ADD1: variants seen among roughly 807,000 people sequenced by gnomAD.
ADD1 encodes the protein adducin 1, also known as alpha-adducin.
ADD1 carries 24 observed loss-of-function variants against 80.5 expected under a neutral mutation model. That is an observed-to-expected ratio of 0.30 (90% CI 0.22 to 0.42). The LOEUF (loss-of-function observed/expected upper bound fraction) is 0.42, where lower values mean the gene tolerates loss of function less well. Ranked by LOEUF, ADD1 falls within the 10% of genes least tolerant of loss-of-function variation. The probability of loss-of-function intolerance (pLI) is 1.00; values close to 1 mark genes in which losing one functional copy is unlikely to be tolerated. For synonymous variants in ADD1, 373 were observed against 393.8 expected, an observed-to-expected ratio of 0.95 and a Z score of 0.63; for missense variants, 948 against 1,019.0, an observed-to-expected ratio of 0.93 and a Z score of 0.95.
intron 1 of ADD1, among the ~76,000 whole-genome samples, chr4:2,852,542 GT>G (rs202099133): frequency 6.6e-6 from 1 of 151,238 alleles, no homozygotes; most frequent in Admixed American, 6.6e-5. Flanking sequence ...CTCCATTTCA[GT>G]TTTTTTCTGA....
chr4:2,908,038 G>A (rs907106833), intron 11 of ADD1, among the ~76,000 whole-genome samples, 194 bp downstream of exon 11: 2 of 152,182 alleles, frequency 1.3e-5, no homozygotes, highest in African/African-American at 4.8e-5. Context: ...CATTTTTTGG[G>A]CCCTATTGAT....
Position 2,926,127 on chromosome 4 carries a change from G to T in ADD1, c.2047+15G>T. The T allele has an allele frequency of 1.2e-6, 2 of 1,608,320 alleles. No individual in the cohort carries two copies. The highest frequency in any genetic ancestry group is 1.7e-6 in the Non-Finnish European group (2 of 1,176,372). ...GCTGGAGGAAGGTGAGCTCTGGGTG[G>T]CAGCGGCCGCCACTGTGGGAGGGTG... On this transcript the variant is annotated intron_variant, in intron 15 of 15. Coordinates refer to ENST00000683351, the MANE Select transcript of ADD1 (RefSeq NM_001354761.2). This position sits in a 1 kb window ranked among gnomAD's most constrained non-coding sequence, Gnocchi z 5.0.
At chr4:2,906,446 T>C (rs995885622) in intron 10 of ADD1, among the ~76,000 whole-genome samples, 1 of 151,986 alleles carries the variant, frequency 6.6e-6, no homozygotes, top group Non-Finnish European at 1.5e-5. Context: ...AGCACAGTGC[T>C]GAATTGCCAT....
At chr4:2,863,219 ATTTT>A (rs34312305) in intron 1 of ADD1, among the ~76,000 whole-genome samples, 9 of 123,756 alleles carry the variant, frequency 7.3e-5, no homozygotes, top group African/African-American at 1.8e-4. Context: ...CTAATTTTTA[ATTTT>A]TTTTTTTTTT....
chr4:2,862,784 C>G (rs1230658614), intron 1 of ADD1, among the ~76,000 whole-genome samples: 1 of 152,186 alleles, frequency 6.6e-6, no homozygotes, highest in Admixed American at 6.5e-5. Context: ...CCTGGCTTCC[C>G]TGCAGGAATG....
At chr4:2,881,699 T>C (rs1732374415) in intron 2 of ADD1, 199 bp from the exon 3 acceptor site, 3 of 428,154 alleles carry the variant, frequency 7.0e-6, no homozygotes, top group Non-Finnish European at 8.2e-6. Flanking sequence ...GTTCAGAGTT[T>C]TAAGCTTTTA....
chr4:2,924,632 G>A (rs980419367), intron 14 of ADD1, among the ~76,000 whole-genome samples: 7 of 152,294 alleles, frequency 4.6e-5, no homozygotes, highest in Admixed American at 1.3e-4. Context: ...TTTTTGTCTC[G>A]TTCTAGACCA....
At position 2,884,673 on chromosome 4, in the gene ADD1, A is replaced by G. The variant is rs201776350; in HGVS notation, c.510+7A>G. ...TATCTACAATCATATCACAGTGAGT[A>G]TTAAATGGGCTAGTAACTGAACGAT... On this transcript the variant is annotated splice_region_variant and intron_variant, in intron 4 of 15. Coordinates refer to ENST00000683351, the MANE Select transcript of ADD1 (RefSeq NM_001354761.2). The G allele has an allele frequency of 6.3e-7, 1 of 1,594,520 alleles. No individual in the cohort carries two copies. The highest frequency in any genetic ancestry group is 8.6e-7 in the Non-Finnish European group (1 of 1,166,884).
chr4:2,860,033 C>G (rs1034369994), intron 1 of ADD1, among the ~76,000 whole-genome samples: 15 of 151,240 alleles, frequency 9.9e-5, no homozygotes, highest in African/African-American at 3.7e-4. Context: ...TAAAATCTTA[C>G]GTAGAGTTTT....
chr4:2,857,172 A>G (rs1245916876), intron 1 of ADD1, among the ~76,000 whole-genome samples: 1 of 151,496 alleles, frequency 6.6e-6, no homozygotes, highest in Admixed American at 6.6e-5. Flanking sequence ...TCAGCCTCCC[A>G]AAGTGCTAAG....
chr4:2,847,662 AT>A (rs201221851), intron 1 of ADD1, among the ~76,000 whole-genome samples: 2,814 of 152,270 alleles, frequency 0.018, 58 homozygotes, highest in African/African-American at 0.046. Flanking sequence ...AGAAGTCCTG[AT>A]TGACATGTGC....
intron 4 of ADD1, among the ~76,000 whole-genome samples, chr4:2,888,470 G>A (rs913591271): frequency 6.6e-6 from 1 of 151,378 alleles, no homozygotes; most frequent in Non-Finnish European, 1.5e-5. Context: ...AGGCTGGAGT[G>A]CAGTGGCATG....
chr4:2,885,139 A>G (rs1176278663), intron 4 of ADD1, among the ~76,000 whole-genome samples: 1 of 152,172 alleles, frequency 6.6e-6, no homozygotes, highest in South Asian at 2.1e-4. Flanking sequence ...AGTGGACAAC[A>G]TGAGTCCTTC....
chr4:2,909,455 A>C (rs1374794431), intron 13 of ADD1, 24 bp downstream of exon 13: 2 of 1,519,470 alleles, frequency 1.3e-6, no homozygotes, highest in Admixed American at 3.9e-5. Context: ...TGTCCTCACT[A>C]CCTGTCTATG....
chr4:2,864,150 C>T (rs777456525), intron 1 of ADD1, among the ~76,000 whole-genome samples: 6 of 152,098 alleles, frequency 3.9e-5, no homozygotes, highest in Non-Finnish European at 5.9e-5. Context: ...TGGTGGCTCA[C>T]GCCTTTAATC....
chr4:2,877,587 G>T (rs1222570585), intron 2 of ADD1, among the ~76,000 whole-genome samples: 1 of 152,046 alleles, frequency 6.6e-6, no homozygotes, highest in Non-Finnish European at 1.5e-5. Flanking sequence ...AGGATGATTA[G>T]ATTAAGTGTG....
intron 1 of ADD1, among the ~76,000 whole-genome samples, chr4:2,852,578 C>T (rs1193943244): frequency 1.3e-5 from 2 of 151,952 alleles, no homozygotes; most frequent in African/African-American, 4.8e-5. Context: ...GACTGAAGCA[C>T]ACATACTTTG....
At chr4:2,909,705 C>T (rs1005335587) in intron 13 of ADD1, among the ~76,000 whole-genome samples, 6 of 152,088 alleles carry the variant, frequency 3.9e-5, no homozygotes, top group African/African-American at 1.4e-4. Flanking sequence ...TGCAGTTCCG[C>T]ACGGGACTTT....
At chr4:2,850,584 C>G (rs1377225350) in intron 1 of ADD1, among the ~76,000 whole-genome samples, 1 of 152,226 alleles carries the variant, frequency 6.6e-6, no homozygotes, top group Non-Finnish European at 1.5e-5. Flanking sequence ...TGCCACCATG[C>G]CCGGCTAATT....
Sources: gnomAD v4.1 joint callset for allele counts (sites outside exome capture counted in the v4.1 genomes callset) on GRCh38, gnomAD v4.1.1 for gene constraint, Gnocchi (gnomAD v3.1) non-coding constraint, MANE v1.5 for transcripts, NCBI Gene and HGNC (gene_info 2026-07-23, HGNC 2026-07-21) for gene names.